Variants in GRM7 observed in about 807,000 individuals in gnomAD.
GRM7 encodes metabotropic glutamate receptor 7.
A neutral mutation model predicts 84.5 loss-of-function variants in GRM7; 35 were observed. The ratio of observed to expected loss-of-function variants is 0.41; its 90% CI spans 0.32 to 0.55. The LOEUF (loss-of-function observed/expected upper bound fraction) is 0.55. Among genes scored for constraint, GRM7 ranks in the 20% least tolerant of loss-of-function variants. The pLI is 0.19. For missense variants in GRM7, 1,003 were observed against 1,194.6 expected, an observed-to-expected ratio of 0.84 and a Z score of 2.36; for synonymous variants, 487 against 455.1, an observed-to-expected ratio of 1.07 and a Z score of -0.89.
intron 9 of GRM7, among the ~76,000 whole-genome samples, chr3:7,717,310 G>T (rs1231388429): frequency 2.0e-5 from 3 of 152,080 alleles, no homozygotes; most frequent in African/African-American, 7.2e-5. Context: ...TTTTCCAGTA[G>T]ACAGAACCAC....
intron 1 of GRM7, among the ~76,000 whole-genome samples, chr3:6,959,886 A>C (rs1354067303): frequency 6.6e-6 from 1 of 152,088 alleles, no homozygotes; most frequent in African/African-American, 2.4e-5. Context: ...ATGGAAACTC[A>C]TGGAGAGGTA....
At chr3:7,180,260 G>A (rs779248728) in intron 2 of GRM7, among the ~76,000 whole-genome samples, 31 of 152,148 alleles carry the variant, frequency 2.0e-4, no homozygotes, top group Admixed American at 9.2e-4. Flanking sequence ...GTTAATTTGT[G>A]CTAAAATTTT....
At chr3:6,930,222 A>G (rs1177584647) in intron 1 of GRM7, among the ~76,000 whole-genome samples, 1 of 152,184 alleles carries the variant, frequency 6.6e-6, no homozygotes, top group African/African-American at 2.4e-5. Context: ...ATTAGAGATA[A>G]TATATGTGAA....
chr3:6,930,154 C>T (rs1697451310), intron 1 of GRM7, among the ~76,000 whole-genome samples: 1 of 152,184 alleles, frequency 6.6e-6, no homozygotes, highest in African/African-American at 2.4e-5. Flanking sequence ...ATTCTCTGAA[C>T]TGCAGTTGCC....
At chr3:7,020,031 T>A (rs1233535446) in intron 1 of GRM7, among the ~76,000 whole-genome samples, 1 of 152,136 alleles carries the variant, frequency 6.6e-6, no homozygotes, top group Non-Finnish European at 1.5e-5. Context: ...TTTTGTACTA[T>A]TAGAGACGGG....
chr3:7,471,234 G>T (rs1698689308), intron 7 of GRM7, among the ~76,000 whole-genome samples: 1 of 151,474 alleles, frequency 6.6e-6, no homozygotes, highest in South Asian at 2.1e-4. Flanking sequence ...CGCTAATTTA[G>T]TGGCTTAAAA....
chr3:7,610,550 T>C (rs779734154), intron 8 of GRM7, among the ~76,000 whole-genome samples: 2 of 152,166 alleles, frequency 1.3e-5, no homozygotes, highest in Non-Finnish European at 2.9e-5. Flanking sequence ...AATTTAACAA[T>C]TTTGGAGGGA....
chr3:7,015,161 C>T (rs1481984556), intron 1 of GRM7, among the ~76,000 whole-genome samples: 2 of 150,018 alleles, frequency 1.3e-5, no homozygotes, highest in African/African-American at 4.9e-5. Context: ...GCAGTGGCAA[C>T]CTGCTTGGGT....
At chr3:6,879,483 A>T (rs1375792392) in intron 1 of GRM7, among the ~76,000 whole-genome samples, 1 of 152,208 alleles carries the variant, frequency 6.6e-6, no homozygotes, top group African/African-American at 2.4e-5. Context: ...TATTTTGCTT[A>T]ATCATTCTGC....
At chr3:7,041,667 C>T (rs769402528) in intron 1 of GRM7, among the ~76,000 whole-genome samples, 71 of 152,304 alleles carry the variant, frequency 4.7e-4, no homozygotes, top group Non-Finnish European at 8.4e-4. Context: ...AATTGTGATA[C>T]TGTGAAATAT....
intron 2 of GRM7, among the ~76,000 whole-genome samples, chr3:7,173,112 G>C (rs1695038181): frequency 6.6e-6 from 1 of 152,168 alleles, no homozygotes; most frequent in Non-Finnish European, 1.5e-5. Context: ...AGGTCACCAA[G>C]CTGGGAAGTA....
At chr3:6,969,182 AG>A (rs1000470201) in intron 1 of GRM7, among the ~76,000 whole-genome samples, 1 of 151,924 alleles carries the variant, frequency 6.6e-6, no homozygotes, top group Admixed American at 6.6e-5. Flanking sequence ...TGTAATTTAT[AG>A]TTTTCAAAGT....
chr3:6,936,543 T>G (rs1697700885), intron 1 of GRM7, among the ~76,000 whole-genome samples: 1 of 152,226 alleles, frequency 6.6e-6, no homozygotes, highest in South Asian at 2.1e-4. Context: ...TCACCATTCA[T>G]TCTCTCATTA....
chr3:7,425,619 A>G lies in GRM7; in HGVS notation c.1174+10456A>G, dbSNP rs541340619. Among the ~76,000 whole-genome samples, 40 of 152,330 alleles carry G rather than the reference A, an allele frequency of 2.6e-4. 1 individual carries two copies. The highest frequency in any genetic ancestry group is 2.5e-3 in the South Asian group (12 of 4,824). On this transcript the variant is annotated intron_variant, in intron 5 of 9. Coordinates refer to ENST00000357716, the MANE Select transcript of GRM7 (RefSeq NM_000844.4). Reference sequence around the variant, plus strand: ...GTAAATTGAGCTACCAAAGTGGTCCAACACACTGGCAGAAGTGGGCAATTT... The same window carrying G: ...GTAAATTGAGCTACCAAAGTGGTCCGACACACTGGCAGAAGTGGGCAATTT...
At chr3:6,948,067 C>G (rs1298051780) in intron 1 of GRM7, among the ~76,000 whole-genome samples, 2 of 152,106 alleles carry the variant, frequency 1.3e-5, no homozygotes, top group African/African-American at 2.4e-5. Flanking sequence ...CAGTTCTGCT[C>G]TGATTTTAGT....
intron 9 of GRM7, among the ~76,000 whole-genome samples, chr3:7,698,841 A>G (rs1054928383): frequency 2.6e-5 from 4 of 152,204 alleles, no homozygotes; most frequent in African/African-American, 9.6e-5. Flanking sequence ...GAAGAGCAGA[A>G]AAAACAACTA....
At chr3:7,522,548 A>G (rs1283266646) in intron 7 of GRM7, among the ~76,000 whole-genome samples, 2 of 152,056 alleles carry the variant, frequency 1.3e-5, no homozygotes, top group Non-Finnish European at 2.9e-5. Flanking sequence ...CCACATCCAC[A>G]CATATACTTG....
At chr3:7,430,445 A>T (rs1291351123) in intron 5 of GRM7, among the ~76,000 whole-genome samples, 1 of 152,264 alleles carries the variant, frequency 6.6e-6, no homozygotes, top group East Asian at 1.9e-4. Flanking sequence ...CTACACAGAC[A>T]TAAAATGAAA....
Position 7,087,344 on chromosome 3 carries a change from C to T in GRM7, c.520-59108C>T, listed in dbSNP as rs180955190. 2.4e-3 allele frequency among the ~76,000 whole-genome samples: 364 copies of T among 151,566 alleles called. 2 individuals are homozygous for T. Among genetic ancestry groups the T allele is most frequent in the African/African-American group, 8.5e-3 (351 of 41,358 alleles). ...AACTAATGATTATATCTAATTTGTG[C>T]CAAGTTCTCTGCTAAGTTATTGTAT... is the stretch of plus-strand genomic sequence containing the variant. On this transcript the variant is annotated intron_variant, in intron 1 of 9. Coordinates refer to ENST00000357716, the MANE Select transcript of GRM7 (RefSeq NM_000844.4).
Sources: gnomAD v4.1 joint callset for allele counts (sites outside exome capture counted in the v4.1 genomes callset) on GRCh38, gnomAD v4.1.1 for gene constraint, MANE v1.5 for transcripts, NCBI Gene and HGNC (gene_info 2026-07-23, HGNC 2026-07-21) for gene names.